Variants in SPRED2 observed in about 807,000 individuals in gnomAD.
The protein encoded by SPRED2 is sprouty related EVH1 domain containing 2.
A neutral mutation model predicts 43.0 loss-of-function variants in SPRED2; 47 were observed. That is an observed-to-expected ratio of 1.09 (90% confidence interval 0.87 to 1.40). The LOEUF is 1.40. Ranked by LOEUF, SPRED2 falls within the 40% of genes most tolerant of loss-of-function variation. The probability of loss-of-function intolerance (pLI) is 0.00; values close to 1 mark genes in which losing one functional copy is unlikely to be tolerated. For synonymous variants in SPRED2, 225 were observed against 225.7 expected (o/e 1.00, Z 0.03); for missense variants, 561 against 586.4 (o/e 0.96, Z 0.45).
chr2:65,368,967 C>T (rs1199164751), intron 1 of SPRED2, among the ~76,000 whole-genome samples: 4 of 152,014 alleles, frequency 2.6e-5, no homozygotes, highest in Non-Finnish European at 5.9e-5. Context: ...CCCAGCTACA[C>T]AGAAAGCTGA....
rs188366486 is a variant in SPRED2, at chr2:65,322,588, C to T, written c.439-5705G>A. Reference sequence around the variant, plus strand: ...GATTACAGGCGTGAGCCACCGTGCCCGGCCTCCTTTCCAATATTTATACCA... The same window carrying T: ...GATTACAGGCGTGAGCCACCGTGCCTGGCCTCCTTTCCAATATTTATACCA... On this transcript the variant is annotated intron_variant, in intron 4 of 5. Transcript: ENST00000356388. Among the ~76,000 whole-genome samples the T allele has an allele frequency of 2.7e-3, 417 of 152,050 alleles. 4 individuals carry two copies. The highest frequency in any genetic ancestry group is 0.016 in the East Asian group (83 of 5,164).
chr2:65,376,151 C>A (rs186947575), intron 1 of SPRED2, among the ~76,000 whole-genome samples: 1 of 152,348 alleles, frequency 6.6e-6, no homozygotes, highest in East Asian at 1.9e-4. Flanking sequence ...ACATAGGCAC[C>A]TGCCTTCCCT....
intron 1 of SPRED2, among the ~76,000 whole-genome samples, chr2:65,413,192 G>A (rs1179316958): frequency 1.3e-5 from 2 of 152,088 alleles, no homozygotes; most frequent in African/African-American, 2.4e-5. Context: ...CTCCTCTAAG[G>A]CCCAGGTGCT....
chr2:65,357,623 C>T (rs1204889236), intron 1 of SPRED2, among the ~76,000 whole-genome samples: 2 of 152,154 alleles, frequency 1.3e-5, no homozygotes, highest in Non-Finnish European at 1.5e-5. Context: ...ATCTTGGTCC[C>T]TTGAAATTTA....
intron 4 of SPRED2, among the ~76,000 whole-genome samples, chr2:65,327,938 G>A (rs1219271790): frequency 6.6e-6 from 1 of 151,712 alleles, no homozygotes; most frequent in Non-Finnish European, 1.5e-5. Context: ...TGGCCAGGCT[G>A]GTCTTGAATT....
At chr2:65,350,786 GGCCCCGTCTGGGCCACGTTACAGACAT>G (rs1290949442) in intron 1 of SPRED2, among the ~76,000 whole-genome samples, 1 of 152,190 alleles carries the variant, frequency 6.6e-6, no homozygotes, top group East Asian at 1.9e-4. Context: ...TTTCAAAGCA[GGCCCCGTCTGGGCCACGTTACAGACAT>G]AAACCAAGGA....
chr2:65,311,557 G>T lies in SPRED2; in HGVS notation c.*1944C>A. On this transcript the variant is annotated 3_prime_UTR_variant, in exon 6 of 6. Coordinates refer to ENST00000356388, the MANE Select transcript of SPRED2 (RefSeq NM_181784.3). ...GACCCTAGAGAAAGACCCCAAGGAAGTGCCTCCGGGTCGGGGGAAGGTGGT... is the reference window on the plus strand; with the variant it reads ...GACCCTAGAGAAAGACCCCAAGGAATTGCCTCCGGGTCGGGGGAAGGTGGT... 1 of 985,860 alleles carries T rather than the reference G, an allele frequency of 1.0e-6. No homozygotes were observed. Among genetic ancestry groups the T allele is most frequent in the South Asian group, 4.7e-5 (1 of 21,294 alleles). The allele number at this position is 985,860 out of a possible 1,614,324, so 61.1% of individuals were successfully genotyped here. A position where few individuals can be genotyped will look rare whatever the true frequency, so the allele number is the denominator to read the frequency against.
chr2:65,422,096 ACACACACACTCT>A lies in SPRED2; in HGVS notation c.26+9854_26+9865del, dbSNP rs1334493833. On this transcript the variant is annotated intron_variant, in intron 1 of 5. Coordinates refer to ENST00000356388, the MANE Select transcript of SPRED2 (RefSeq NM_181784.3). Reference sequence around the variant, plus strand: ...ATGTACAACACACACACACACACACACACACACACTCTCTCTCTCTCTCTCTCTCTCTCTCTC... The same window carrying A: ...ATGTACAACACACACACACACACACACTCTCTCTCTCTCTCTCTCTCTCTC... Among the ~76,000 whole-genome samples, 3 of 112,042 alleles carry A rather than the reference ACACACACACTCT, an allele frequency of 2.7e-5. No homozygotes were observed. In the East Asian group the frequency reaches 6.5e-4, roughly 24 times the overall value. 73.5% of individuals were successfully genotyped at this position (112,042 alleles called of 152,430 possible).
chr2:65,421,822 C>G (rs1676430166), intron 1 of SPRED2, among the ~76,000 whole-genome samples: 1 of 152,138 alleles, frequency 6.6e-6, no homozygotes, highest in South Asian at 2.1e-4. Context: ...GTAATATAAA[C>G]CAAGCTATTC....
intron 1 of SPRED2, among the ~76,000 whole-genome samples, chr2:65,357,801 C>T (rs1485610799): frequency 6.6e-6 from 1 of 152,136 alleles, no homozygotes; most frequent in Non-Finnish European, 1.5e-5. Context: ...TAATGAGTGC[C>T]GTAAGTCAGG....
At position 65,313,327 on chromosome 2, in the gene SPRED2, G is replaced by C. The variant is rs1161735255; in HGVS notation, c.*174C>G. The C allele has an allele frequency of 1.4e-6, 2 of 1,451,676 alleles. No individual in the cohort carries two copies. The highest frequency in any genetic ancestry group is 1.8e-6 in the Non-Finnish European group (2 of 1,110,260). 89.9% of individuals were successfully genotyped at this position (1,451,676 alleles called of 1,614,324 possible). On this transcript the variant is annotated 3_prime_UTR_variant, in exon 6 of 6. Transcript: ENST00000356388. ...CAGTGTGGGCGGCAGGGGGAGTGGA[G>C]AGTCTACCCGGCAGCGTCCCTGGCT...
chr2:65,352,699 C>T (rs1674544831), intron 1 of SPRED2, among the ~76,000 whole-genome samples: 1 of 152,274 alleles, frequency 6.6e-6, no homozygotes, highest in Non-Finnish European at 1.5e-5. Context: ...TCTCAGCTCA[C>T]TGCAACCTCT....
chr2:65,336,286 C>T (rs955888193), intron 2 of SPRED2, among the ~76,000 whole-genome samples: 1 of 152,084 alleles, frequency 6.6e-6, no homozygotes, highest in African/African-American at 2.4e-5. Context: ...GCCTGGGAGG[C>T]TGAGGCTGCA....
intron 4 of SPRED2, among the ~76,000 whole-genome samples, chr2:65,327,932 C>T (rs947587035): frequency 6.6e-6 from 1 of 151,734 alleles, no homozygotes; most frequent in Non-Finnish European, 1.5e-5. Context: ...CCATGTTGGC[C>T]AGGCTGGTCT....
intron 1 of SPRED2, among the ~76,000 whole-genome samples, chr2:65,413,816 ATT>A (rs1676216011): frequency 6.6e-6 from 1 of 152,220 alleles, no homozygotes; most frequent in African/African-American, 2.4e-5. Flanking sequence ...TCATCAAGAC[ATT>A]TGTTTTTTCT....
At chr2:65,347,519 A>G (rs1159270367) in intron 1 of SPRED2, among the ~76,000 whole-genome samples, 1 of 152,064 alleles carries the variant, frequency 6.6e-6, no homozygotes, top group Admixed American at 6.5e-5. Context: ...CTGAGAAAAT[A>G]GACAAAATCA....
intron 1 of SPRED2, among the ~76,000 whole-genome samples, chr2:65,362,075 A>G (rs2104316800): frequency 6.6e-6 from 1 of 152,374 alleles, no homozygotes; most frequent in South Asian, 2.1e-4. Flanking sequence ...ATTGAAATCA[A>G]GAAAGAGATA....
intron 1 of SPRED2, among the ~76,000 whole-genome samples, chr2:65,367,057 A>G (rs966592376): frequency 6.6e-6 from 1 of 152,258 alleles, no homozygotes; most frequent in African/African-American, 2.4e-5. Context: ...AAACCAAAGA[A>G]TTTCGTCCAA....
At chr2:65,360,627 A>C (rs1034829445) in intron 1 of SPRED2, among the ~76,000 whole-genome samples, 8 of 152,212 alleles carry the variant, frequency 5.3e-5, no homozygotes, top group Non-Finnish European at 1.2e-4. Flanking sequence ...TGACTAGTCA[A>C]AGTCCTAGAA....
Sources: allele counts gnomAD v4.1 joint callset (sites outside exome capture counted in the v4.1 genomes callset), GRCh38; gene constraint gnomAD v4.1.1; transcripts MANE v1.5; gene names NCBI Gene and HGNC (gene_info 2026-07-23, HGNC 2026-07-21).